ATP8A2: variants seen among roughly 807,000 people sequenced by gnomAD.
ATP8A2 encodes the protein phospholipid-transporting ATPase IB.
ATP8A2 carries 100 observed loss-of-function variants against 165.6 expected under a neutral mutation model. The observed-to-expected ratio is 0.60, with a 90% CI of 0.51 to 0.71. ATP8A2 has a LOEUF of 0.71. Ranked by LOEUF, ATP8A2 falls within the 30% of genes least tolerant of loss-of-function variation. The pLI is 0.00. For missense variants in ATP8A2, 1,227 were observed against 1,479.5 expected (o/e 0.83, Z 2.80); for synonymous variants, 543 against 548.8 (o/e 0.99, Z 0.15).
At chr13:25,876,309 T>G (rs955737592) in intron 33 of ATP8A2, among the ~76,000 whole-genome samples, 4 of 152,168 alleles carry the variant, frequency 2.6e-5, no homozygotes, top group Non-Finnish European at 5.9e-5. Context: ...AAGAAAAGTT[T>G]AGGATTTGGA....
intron 33 of ATP8A2, among the ~76,000 whole-genome samples, chr13:25,911,608 G>A (rs1011293129): frequency 6.6e-6 from 1 of 152,180 alleles, no homozygotes; most frequent in South Asian, 2.1e-4. Flanking sequence ...TGGCAGCTTC[G>A]AACTCATATG....
intron 33 of ATP8A2, chr13:25,927,113 C>T (rs1191663380): frequency 8.8e-6 from 4 of 456,498 alleles, no homozygotes; most frequent in Admixed American, 2.3e-5. Context: ...TCCTGTAGCT[C>T]ACATGCATGG....
intron 34 of ATP8A2, among the ~76,000 whole-genome samples, chr13:25,965,362 A>G (rs1955754098): frequency 2.6e-5 from 4 of 152,206 alleles, no homozygotes; most frequent in African/African-American, 7.2e-5. Flanking sequence ...CACTTTTTCC[A>G]TGAAGTCTGT....
At chr13:25,556,792 G>A (rs1026660873) in intron 13 of ATP8A2, among the ~76,000 whole-genome samples, 3 of 152,174 alleles carry the variant, frequency 2.0e-5, no homozygotes, top group Non-Finnish European at 4.4e-5. Context: ...AGGACACCTG[G>A]TTATTCAGTG....
intron 1 of ATP8A2, among the ~76,000 whole-genome samples, chr13:25,433,928 C>T (rs2034681981): frequency 6.6e-6 from 1 of 152,058 alleles, no homozygotes; most frequent in South Asian, 2.1e-4. Flanking sequence ...ACAGTGGGTA[C>T]ACATGGACAT....
intron 28 of ATP8A2, among the ~76,000 whole-genome samples, chr13:25,828,802 C>T (rs1951382749): frequency 6.6e-6 from 1 of 152,132 alleles, no homozygotes; most frequent in African/African-American, 2.4e-5. Flanking sequence ...TAAATATAAA[C>T]TGTAGCTAAA....
intron 25 of ATP8A2, among the ~76,000 whole-genome samples, chr13:25,731,916 T>A (rs897883304): frequency 2.0e-5 from 3 of 152,114 alleles, no homozygotes; most frequent in African/African-American, 7.2e-5. Context: ...AAAATGGAAG[T>A]GGTTGATTTG....
rs1566241340 is a variant in ATP8A2, at chr13:25,540,319, TG to T, written c.583del (p.Glu195AsnfsTer25). 1 of 1,613,138 alleles carries T rather than the reference TG, an allele frequency of 6.2e-7. No homozygotes were observed. Among genetic ancestry groups the T allele is most frequent in the Non-Finnish European group, 8.5e-7 (1 of 1,179,102 alleles). On this transcript the variant is annotated frameshift_variant and splice_region_variant, in exon 8 of 37. Coordinates refer to ENST00000381655, the MANE Select transcript of ATP8A2 (RefSeq NM_016529.6). LOFTEE classifies it high-confidence loss of function. ...TGGCTCTTTTTTTCTCTCTCCTTAG[TG>T]AACCTCAGGCAATGTGTTATGTTGA... ...PADVVLLSSS[E>X]PQAMCYVETA...
At chr13:25,589,826 C>A in intron 24 of ATP8A2, 127 bp downstream of exon 24, 2 of 582,812 alleles carry the variant, frequency 3.4e-6, no homozygotes, top group South Asian at 2.6e-5. Flanking sequence ...TGTTTATTTT[C>A]TGTTTATATT....
intron 2 of ATP8A2, among the ~76,000 whole-genome samples, chr13:25,500,770 G>A (rs1277407026): frequency 6.6e-6 from 1 of 152,014 alleles, no homozygotes; most frequent in Non-Finnish European, 1.5e-5. Context: ...TTTTGTAGAG[G>A]TGGGGTTTTG....
chr13:25,444,185 C>T (rs2035009807), intron 1 of ATP8A2, among the ~76,000 whole-genome samples: 1 of 152,190 alleles, frequency 6.6e-6, no homozygotes, highest in African/African-American at 2.4e-5. Flanking sequence ...TGGAATTGTA[C>T]AGTATGCACT....
chr13:25,857,477 C>T (rs1952201407), intron 30 of ATP8A2, among the ~76,000 whole-genome samples: 1 of 151,714 alleles, frequency 6.6e-6, no homozygotes, highest in Non-Finnish European at 1.5e-5. Flanking sequence ...GGAGCTCAAG[C>T]AATCCTCCCA....
chr13:25,559,936 T>C (rs886577639), intron 15 of ATP8A2, among the ~76,000 whole-genome samples, 171 bp downstream of exon 15: 1 of 152,170 alleles, frequency 6.6e-6, no homozygotes, highest in Non-Finnish European at 1.5e-5. Context: ...CAAGTGATCC[T>C]CCTGCCTCAG....
At chr13:25,592,512 C>A (rs4625586) in intron 24 of ATP8A2, among the ~76,000 whole-genome samples, 1 of 152,066 alleles carries the variant, frequency 6.6e-6, no homozygotes, top group African/African-American at 2.4e-5. Context: ...AGCCAAAACA[C>A]CGCATCGGTG....
At position 25,498,847 on chromosome 13, in the gene ATP8A2, C is replaced by T. The variant is rs189553536; in HGVS notation, c.221+29726C>T. On this transcript the variant is annotated intron_variant, in intron 2 of 36. Transcript: ENST00000381655. ...GACTGATTAAATAACAAGCCTGGGG[C>T]TCATGGCAGACCCAGGAGTGCAGTG... 5.4e-3 allele frequency among the ~76,000 whole-genome samples: 819 copies of T among 152,236 alleles called. 5 individuals are homozygous for T. Among genetic ancestry groups the T allele is most frequent in the Non-Finnish European group, 7.3e-3 (499 of 68,008 alleles).
At chr13:25,451,883 C>T (rs1350914590) in intron 1 of ATP8A2, among the ~76,000 whole-genome samples, 1 of 147,706 alleles carries the variant, frequency 6.8e-6, no homozygotes, top group Non-Finnish European at 1.5e-5. Context: ...GAGATGGAGT[C>T]TCACTCTTTT....
chr13:25,866,875 G>A (rs879843954), intron 33 of ATP8A2, among the ~76,000 whole-genome samples: 2 of 152,214 alleles, frequency 1.3e-5, no homozygotes, highest in African/African-American at 4.8e-5. Context: ...GATTGCTCAT[G>A]TTAAGTGGTT....
intron 24 of ATP8A2, among the ~76,000 whole-genome samples, chr13:25,626,965 A>G (rs1310217714): frequency 6.6e-6 from 1 of 152,148 alleles, no homozygotes; most frequent in Non-Finnish European, 1.5e-5. Context: ...AGTATGGGGG[A>G]AACTGCCCCT....
chr13:26,018,091 C>T (rs574757125), intron 36 of ATP8A2, among the ~76,000 whole-genome samples: 1 of 152,340 alleles, frequency 6.6e-6, no homozygotes, highest in African/African-American at 2.4e-5. Context: ...GGTCTGGGCC[C>T]TCCTCCCTGC....
Sources: gnomAD v4.1 joint callset for allele counts (sites outside exome capture counted in the v4.1 genomes callset) on GRCh38, gnomAD v4.1.1 for gene constraint, MANE v1.5 for transcripts, NCBI Gene and HGNC (gene_info 2026-07-23, HGNC 2026-07-21) for gene names.